The following VPS25 variants were observed in gnomAD, a reference collection of about 807,000 sequenced individuals.
The protein encoded by VPS25 is vacuolar protein-sorting-associated protein 25.
VPS25 carries 21 observed loss-of-function variants against 30.3 expected under a neutral mutation model. That is an observed-to-expected ratio of 0.69 (90% CI 0.49 to 1.00). VPS25 has a LOEUF of 1.00. Among genes scored for constraint, VPS25 ranks in the 50% least tolerant of loss-of-function variants. VPS25 has a pLI of 0.00. For missense variants in VPS25, 156 were observed against 217.2 expected, an observed-to-expected ratio of 0.72 and a Z score of 1.77; for synonymous variants, 101 against 88.1, an observed-to-expected ratio of 1.15 and a Z score of -0.82.
chr17:42,774,949 A>C, intron 3 of VPS25: 2 of 421,426 alleles, frequency 4.7e-6, no homozygotes, highest in African/African-American at 2.0e-5. Context: ...ATAATAGTAA[A>C]ATAAATATTG....
At chr17:42,773,699 T>G (rs2143961290) in intron 1 of VPS25, 34 bp from the exon 2 acceptor site, 1 of 1,610,686 alleles carries the variant, frequency 6.2e-7, no homozygotes, top group South Asian at 1.1e-5. Flanking sequence ...CCTCCCGCCC[T>G]CTAATTCTGC....
intron 5 of VPS25, among the ~76,000 whole-genome samples, chr17:42,776,688 A>G: frequency 8.6e-6 from 1 of 115,684 alleles, no homozygotes; most frequent in Non-Finnish European, 1.8e-5. Flanking sequence ...TTTTTGAGAC[A>G]GAGTCACTGT....
Position 42,773,520 on chromosome 17 carries a change from C to G in VPS25, c.45C>G (p.Pro15=), listed in dbSNP as rs79192966. ...GGCCGTGGCAGTATCGCTTCCCACC[C>G]TTCTTTACGTGAGGCTCAGACCCCA... ...FEWPWQYRFP[P]FFTLQPNVDT... is the part of the protein sequence containing the mutation. Residue 15 remains proline, a synonymous_variant, in exon 1 of 6, where the codon CCC becomes CCG. Transcript: ENST00000253794. 6.2e-7 allele frequency: 1 copy of G among 1,614,088 alleles called. No individual in the cohort carries two copies. Among genetic ancestry groups the G allele is most frequent in the African/African-American group, 1.3e-5 (1 of 74,942 alleles).
chr17:42,775,810 C>G (rs1366619013), intron 4 of VPS25, among the ~76,000 whole-genome samples: 1 of 152,326 alleles, frequency 6.6e-6, no homozygotes, highest in East Asian at 1.9e-4. Context: ...CCCTCCCCCA[C>G]TGCACTGTTA....
rs918926912 is a variant in VPS25, at chr17:42,773,714, C to G, written c.54-19C>G. ...CCTCCCGCCCTCTAATTCTGCGCCC[C>G]ACTCCCTTCACCCGGCAGGTTACAA... On this transcript the variant is annotated intron_variant, in intron 1 of 5. Transcript: ENST00000253794. 1 of 1,612,146 alleles carries G rather than the reference C, an allele frequency of 6.2e-7. No individual in the cohort carries two copies. Among genetic ancestry groups the G allele is most frequent in the African/African-American group, 1.3e-5 (1 of 74,900 alleles).
chr17:42,776,409 C>A, intron 5 of VPS25, 89 bp downstream of exon 5: 1 of 1,274,030 alleles, frequency 7.8e-7, no homozygotes. Context: ...GTCACCCAGG[C>A]TGGAGTGCAA....
At chr17:42,774,615 T>C in intron 2 of VPS25, 31 bp from the exon 3 acceptor site, 1 of 1,607,154 alleles carries the variant, frequency 6.2e-7, no homozygotes, top group South Asian at 1.1e-5. Context: ...ACCCAACTCA[T>C]GTGTATGCCG....
intron 3 of VPS25, 118 bp from the exon 4 acceptor site, chr17:42,775,263 C>T: frequency 4.3e-6 from 3 of 695,702 alleles, no homozygotes; most frequent in Middle Eastern, 2.6e-4. Flanking sequence ...TGTAGGGTCT[C>T]ATCATGTTGC....
intron 5 of VPS25, 71 bp downstream of exon 5, chr17:42,776,391 C>A: frequency 7.0e-7 from 1 of 1,433,910 alleles, no homozygotes; most frequent in South Asian, 1.2e-5. Flanking sequence ...GATATGGAGT[C>A]TTGCTCTGTC....
In VPS25 at chr17:42,774,707, C is replaced by T; in HGVS notation, c.253+8C>T. 1.2e-6 allele frequency: 2 copies of T among 1,610,906 alleles called. No homozygotes were observed. The highest frequency in any genetic ancestry group is 1.7e-6 in the Non-Finnish European group (2 of 1,177,648). On this transcript the variant is annotated splice_region_variant and intron_variant, in intron 3 of 5. Transcript: ENST00000253794. ...AGGAACTGAGGAAGAAAGGTGGGTT[C>T]AGTTCCCCAGATTCCTTATTTTTCT... is the stretch of plus-strand genomic sequence containing the variant.
intron 3 of VPS25, 69 bp from the exon 4 acceptor site, chr17:42,775,312 C>A: frequency 7.8e-7 from 1 of 1,282,378 alleles, no homozygotes; most frequent in Non-Finnish European, 1.1e-6. Flanking sequence ...AGCAGTCCTC[C>A]CGCCTTGGCC....
intron 2 of VPS25, 106 bp downstream of exon 2, chr17:42,773,984 G>T: frequency 7.3e-7 from 1 of 1,360,822 alleles, no homozygotes. Flanking sequence ...ATGGTAGGCA[G>T]ATTCCCACCC....
intron 5 of VPS25, 92 bp from the exon 6 acceptor site, chr17:42,778,865 C>T (rs1197659883): frequency 8.6e-7 from 1 of 1,164,186 alleles, no homozygotes; most frequent in African/African-American, 1.5e-5. Flanking sequence ...CATACCCTGC[C>T]TCTGGGAGGT....
rs1458350713 is a variant in VPS25, at chr17:42,779,137, G to T, written c.*68G>T. On this transcript the variant is annotated 3_prime_UTR_variant, in exon 6 of 6. Coordinates refer to ENST00000253794, the MANE Select transcript of VPS25 (RefSeq NM_032353.4). ...GGGCTTTCAAAAGGAGACAGACCCA[G>T]TGTCCCCCAAAGACTGGATCTGTGA... 4.9e-6 allele frequency: 7 copies of T among 1,427,468 alleles called. No homozygotes were observed. The African/African-American group carries it at 9.9e-5, about 20-fold the overall frequency. The allele number at this position is 1,427,468 out of a possible 1,614,324, so 88.4% of individuals were successfully genotyped here.
At chr17:42,773,694 C>A (rs753547337) in intron 1 of VPS25, 39 bp from the exon 2 acceptor site, 2 of 1,607,678 alleles carry the variant, frequency 1.2e-6, no homozygotes, top group Non-Finnish European at 1.7e-6. Flanking sequence ...TGCTGCCTCC[C>A]GCCCTCTAAT....
chr17:42,773,601 C>A lies in VPS25; in HGVS notation c.53+73C>A, dbSNP rs1338028464. 3 of 1,609,124 alleles carry A rather than the reference C, an allele frequency of 1.9e-6. No individual in the cohort carries two copies. The African/African-American group carries it at 4.0e-5, about 22-fold the overall frequency. On this transcript the variant is annotated intron_variant, in intron 1 of 5. Transcript: ENST00000253794. ...CCGGACCCTGGGCTCAGCCCTGATGCTTCATATGGGGAGGGGGAGAAAAGA... is the reference window on the plus strand; with the variant it reads ...CCGGACCCTGGGCTCAGCCCTGATGATTCATATGGGGAGGGGGAGAAAAGA...
Position 42,779,066 on chromosome 17 carries a change from C to T in VPS25, c.528C>T (p.Phe176=). The T allele has an allele frequency of 6.2e-7, 1 of 1,613,588 alleles. No homozygotes were observed. Among genetic ancestry groups the T allele is most frequent in the Non-Finnish European group, 8.5e-7 (1 of 1,179,684 alleles). ...TVSDGRGVKF[F] The stretch of plus-strand genomic sequence containing the variant: ...GCGATGGCCGAGGCGTCAAGTTCTT[C>T]TAGCAGGGACCTGTCTCCCTTTACT... Residue 176 remains phenylalanine (F), a synonymous_variant, in exon 6 of 6, where the codon TTC becomes TTT. Transcript: ENST00000253794.
At chr17:42,776,356 T>G (rs1299549815) in intron 5 of VPS25, 36 bp downstream of exon 5, 1 of 1,560,836 alleles carries the variant, frequency 6.4e-7, no homozygotes, top group South Asian at 1.1e-5. Context: ...AGTTAATTTT[T>G]TGTTTTGTTT....
chr17:42,776,420 T>C, intron 5 of VPS25, 100 bp downstream of exon 5: 2 of 1,137,314 alleles, frequency 1.8e-6, no homozygotes, highest in Non-Finnish European at 2.5e-6. Flanking sequence ...TGGAGTGCAA[T>C]GTTGCAATCT....
Sources: allele counts gnomAD v4.1 joint callset (sites outside exome capture counted in the v4.1 genomes callset), GRCh38; gene constraint gnomAD v4.1.1; transcripts MANE v1.5; gene names NCBI Gene and HGNC (gene_info 2026-07-23, HGNC 2026-07-21).